Variants in TCTN2 observed in about 807,000 individuals in gnomAD.
TCTN2 encodes tectonic family member 2, also known as tectonic-2.
Under a neutral mutation model 83.4 loss-of-function variants are expected in TCTN2, and 66 were observed. The ratio of observed to expected loss-of-function variants is 0.79; its 90% CI spans 0.65 to 0.97. The LOEUF is 0.97. Among genes scored for constraint, TCTN2 ranks in the 50% least tolerant of loss-of-function variants. The pLI is 0.00. For missense variants in TCTN2, 794 were observed against 858.1 expected (o/e 0.93, Z 0.93); for synonymous variants, 301 against 326.7 (o/e 0.92, Z 0.85).
rs962345843 is a variant in TCTN2 at position 123,673,531 on chromosome 12, G to A, written c.268-84G>A. 19 of 1,346,020 alleles carry A rather than the reference G, an allele frequency of 1.4e-5. No homozygotes were observed. The East Asian group carries it at 3.4e-4, about 24-fold the overall frequency. 83.4% of individuals were successfully genotyped at this position (1,346,020 alleles called of 1,614,324 possible). A position where few individuals can be genotyped will look rare whatever the true frequency, so the allele number is the denominator to read the frequency against. ...TTATAAAATGAACGGAGGCTGATGT[G>A]TACTTTTATTGTGTTTTCCATTATG... On this transcript the variant is annotated intron_variant, in intron 3 of 17. Coordinates refer to ENST00000303372, the MANE Select transcript of TCTN2 (RefSeq NM_024809.5).
chr12:123,684,892 A>T (rs1392377811), intron 5 of TCTN2, among the ~76,000 whole-genome samples: 3 of 151,856 alleles, frequency 2.0e-5, no homozygotes, highest in Non-Finnish European at 4.4e-5. Flanking sequence ...TCTTCTAAAC[A>T]TGTAAAAATT....
At position 123,708,007 on chromosome 12, in the gene TCTN2, CTTTTTTTTTTTTT is replaced by C. The variant is rs983291114; in HGVS notation, c.*305_*317del. 4 of 213,670 alleles carry C rather than the reference CTTTTTTTTTTTTT, an allele frequency of 1.9e-5. No homozygotes were observed. In the Admixed American group the frequency reaches 2.1e-4, roughly 11 times the overall value. The allele number at this position is 213,670 out of a possible 1,614,324, so 13.2% of individuals were successfully genotyped here. On this transcript the variant is annotated 3_prime_UTR_variant, in exon 18 of 18. Coordinates refer to ENST00000303372, the MANE Select transcript of TCTN2 (RefSeq NM_024809.5). ...ACAGGCATGAGCCACCGCACCCGGC[CTTTTTTTTTTTTT>C]TTTTTTTTTTGAGGCGGGGTCTCTG...
intron 5 of TCTN2, among the ~76,000 whole-genome samples, chr12:123,684,991 A>G (rs528072469): frequency 2.0e-5 from 3 of 151,196 alleles, no homozygotes; most frequent in African/African-American, 4.9e-5. Flanking sequence ...AAGAGGTTGC[A>G]GTGAGCTGAG....
chr12:123,687,074 C>T, intron 6 of TCTN2, 39 bp downstream of exon 6: 1 of 1,612,006 alleles, frequency 6.2e-7, no homozygotes, highest in African/African-American at 1.3e-5. Flanking sequence ...GGGCATTGTT[C>T]TCCCGCCCTG....
In TCTN2 at chr12:123,672,628, G is replaced by C. The variant is rs146326139; in HGVS notation, c.267+496G>C. Among the ~76,000 whole-genome samples the C allele has an allele frequency of 9.3e-3, 1,418 of 152,000 alleles. 16 individuals carry two copies. The highest frequency in any genetic ancestry group is 0.013 in the Non-Finnish European group (905 of 67,970). ...GTACACCTACAGTCCCAGATACTTG[G>C]AGGGGGGTGGGGTAGCTGAGGCAAG... On this transcript the variant is annotated intron_variant, in intron 3 of 17. Coordinates refer to ENST00000303372, the MANE Select transcript of TCTN2 (RefSeq NM_024809.5).
At position 123,671,295 on chromosome 12, in the gene TCTN2, A is replaced by G; in HGVS notation, c.55A>G (p.Ile19Val). 6.2e-7 allele frequency: 1 copy of G among 1,612,460 alleles called. No homozygotes were observed. Among genetic ancestry groups the G allele is most frequent in the Non-Finnish European group, 8.5e-7 (1 of 1,179,442 alleles). The change falls in exon 1 of 18, where the codon ATC (isoleucine) becomes GTC (valine). Residue 19 changes from isoleucine to valine, a missense_variant. Physicochemically the swap from Ile to Val is conservative, Grantham distance 29 (BLOSUM62 3). Coordinates refer to ENST00000303372, the MANE Select transcript of TCTN2 (RefSeq NM_024809.5). ...TTTGAGGCTTTTCCTTCTGCAGGGC[A>G]TCCTGAGGCTTCTGTGGGGGGACCT... is the stretch of plus-strand genomic sequence containing the variant. The part of the protein sequence containing the change: ...LLLRLFLLQG[I>V]LRLLWGDLAF...
At chr12:123,690,767 C>A in intron 8 of TCTN2, 93 bp downstream of exon 8, 1 of 1,483,206 alleles carries the variant, frequency 6.7e-7, no homozygotes, top group Non-Finnish European at 9.3e-7. Context: ...ACTGGTTCAA[C>A]TTCAAATAAT....
intron 4 of TCTN2, among the ~76,000 whole-genome samples, chr12:123,675,913 A>T (rs941778263): frequency 3.2e-4 from 49 of 152,192 alleles, no homozygotes; most frequent in African/African-American, 1.2e-3. Flanking sequence ...TGATGAAAAA[A>T]AAAATCCCCC....
chr12:123,692,867 A>C, intron 9 of TCTN2, 144 bp downstream of exon 9: 2 of 748,208 alleles, frequency 2.7e-6, no homozygotes, highest in Non-Finnish European at 4.6e-6. Context: ...GGAACATTTC[A>C]TTTGTTCCTC....
chr12:123,688,254 C>G (rs1956000594), intron 7 of TCTN2, 77 bp downstream of exon 7: 24 of 1,535,264 alleles, frequency 1.6e-5, no homozygotes, highest in Non-Finnish European at 2.0e-5. Context: ...CTCGCTCTTA[C>G]CTCCTAGGCT....
At chr12:123,700,163 C>A in intron 14 of TCTN2, 1 of 395,788 alleles carries the variant, frequency 2.5e-6, no homozygotes, top group East Asian at 5.9e-5. Context: ...AGGTGTGCGC[C>A]ACCACATCTG....
At chr12:123,690,360 A>T (rs1315788418) in intron 7 of TCTN2, among the ~76,000 whole-genome samples, 173 bp from the exon 8 acceptor site, 1 of 152,210 alleles carries the variant, frequency 6.6e-6, no homozygotes, top group East Asian at 1.9e-4. Context: ...TTGATGGGCA[A>T]ATCAGTTAGA....
intron 6 of TCTN2, 115 bp from the exon 7 acceptor site, chr12:123,687,936 C>G (rs1955993443): frequency 6.9e-7 from 1 of 1,444,564 alleles, no homozygotes; most frequent in Non-Finnish European, 9.6e-7. Context: ...TGCACTCCAG[C>G]CTGGGTGACA....
At chr12:123,674,624 G>A (rs541456385) in intron 4 of TCTN2, among the ~76,000 whole-genome samples, 6 of 152,286 alleles carry the variant, frequency 3.9e-5, no homozygotes, top group South Asian at 2.1e-4. Flanking sequence ...GTGGCCAGAC[G>A]CAGTGGCTCC....
intron 12 of TCTN2, 87 bp from the exon 13 acceptor site, chr12:123,697,000 T>C (rs1956116867): frequency 4.7e-6 from 5 of 1,054,860 alleles, no homozygotes; most frequent in African/African-American, 1.6e-5. Flanking sequence ...TTCTACTTAC[T>C]GTTTTCTGTT....
chr12:123,694,123 A>AGCT, intron 9 of TCTN2, among the ~76,000 whole-genome samples: 1 of 151,804 alleles, frequency 6.6e-6, no homozygotes. Context: ...CCTCCCGAGT[A>AGCT]GCTGGGATTA....
chr12:123,694,811 T>C (rs764835636), intron 9 of TCTN2, 31 bp from the exon 10 acceptor site: 34 of 1,605,044 alleles, frequency 2.1e-5, no homozygotes, highest in Non-Finnish European at 2.7e-5. Context: ...AAGAGGGTCT[T>C]TAATTTATGA....
In TCTN2 at chr12:123,690,587, T is replaced by C; in HGVS notation, c.946T>C (p.Phe316Leu). 1 of 1,614,174 alleles carries C rather than the reference T, an allele frequency of 6.2e-7. No homozygotes were observed. Among genetic ancestry groups the C allele is most frequent in the Non-Finnish European group, 8.5e-7 (1 of 1,180,040 alleles). Residue 316 changes from phenylalanine to leucine, a missense_variant, in exon 8 of 18, where the codon TTT (phenylalanine) becomes CTT (leucine). Transcript: ENST00000303372. The stretch of plus-strand genomic sequence containing the variant: ...CGCCCCAGTGGCATTTCTTCACAAT[T>C]TTGATGTTAAATGCGTTACTAATTT... ...QNAPVAFLHN[F>L]DVKCVTNLEL... is the part of the protein sequence containing the mutation.
chr12:123,704,266 A>G (rs1221936526), intron 14 of TCTN2, among the ~76,000 whole-genome samples: 1 of 152,148 alleles, frequency 6.6e-6, no homozygotes, highest in South Asian at 2.1e-4. Flanking sequence ...CAGCCTCCCA[A>G]AGTGCTGGGA....
Sources: gnomAD v4.1 joint callset for allele counts (sites outside exome capture counted in the v4.1 genomes callset) on GRCh38, gnomAD v4.1.1 for gene constraint, MANE v1.5 for transcripts, NCBI Gene and HGNC (gene_info 2026-07-23, HGNC 2026-07-21) for gene names.